LRP1B: variants seen among roughly 807,000 people sequenced by gnomAD.
LRP1B encodes the protein low-density lipoprotein receptor-related protein 1B.
LRP1B carries 217 observed loss-of-function variants against 556.6 expected under a neutral mutation model. That is an observed-to-expected ratio of 0.39 (90% CI 0.35 to 0.44). The LOEUF (loss-of-function observed/expected upper bound fraction) is 0.44, where lower values mean the gene tolerates loss of function less well. Among genes scored for constraint, LRP1B ranks in the 20% least tolerant of loss-of-function variants. The pLI, the probability that LRP1B is intolerant of heterozygous loss-of-function variation, is 1.00. For synonymous variants in LRP1B, 2,047 were observed against 1,865.8 expected, an observed-to-expected ratio of 1.10 and a Z score of -2.50; for missense variants, 5,053 against 5,620.8, an observed-to-expected ratio of 0.90 and a Z score of 3.23.
At chr2:140,544,416 A>T (rs1159269967) in intron 43 of LRP1B, among the ~76,000 whole-genome samples, 1 of 152,012 alleles carries the variant, frequency 6.6e-6, no homozygotes, top group Non-Finnish European at 1.5e-5. Flanking sequence ...TTCATCCCTC[A>T]GGGATTTAGT....
intron 3 of LRP1B, among the ~76,000 whole-genome samples, chr2:141,274,296 C>T (rs1411869551): frequency 6.6e-6 from 1 of 151,962 alleles, no homozygotes; most frequent in Non-Finnish European, 1.5e-5. Context: ...AAACTGGAAA[C>T]AATTCAAGAA....
chr2:141,835,074 C>G (rs930640595), intron 1 of LRP1B, among the ~76,000 whole-genome samples: 1 of 151,918 alleles, frequency 6.6e-6, no homozygotes, highest in African/African-American at 2.4e-5. Flanking sequence ...TTTCTTTAAT[C>G]AGTTCATAAA....
intron 2 of LRP1B, among the ~76,000 whole-genome samples, chr2:141,733,246 C>T (rs186631167): frequency 6.4e-4 from 98 of 152,186 alleles, no homozygotes; most frequent in African/African-American, 2.2e-3. Context: ...GGTCATGATA[C>T]CACAAGGTTC....
At chr2:141,795,997 G>A (rs1037798699) in intron 2 of LRP1B, among the ~76,000 whole-genome samples, 1 of 149,264 alleles carries the variant, frequency 6.7e-6, no homozygotes, top group African/African-American at 2.5e-5. Context: ...TTATTCATGG[G>A]TTAAATCTTA....
chr2:140,264,223 G>GT (rs990707221), intron 86 of LRP1B, among the ~76,000 whole-genome samples: 5 of 150,702 alleles, frequency 3.3e-5, no homozygotes, highest in Non-Finnish European at 7.4e-5. Context: ...TTTTTGTTTT[G>GT]TTTTTTTGGT....
At chr2:141,968,121 G>T (rs1432863708) in intron 1 of LRP1B, among the ~76,000 whole-genome samples, 1 of 151,774 alleles carries the variant, frequency 6.6e-6, no homozygotes, top group East Asian at 1.9e-4. Context: ...TTGGCAGCAG[G>T]TCACATAATC....
Position 141,013,586 on chromosome 2 carries a change from GC to G in LRP1B, c.2349del (p.Leu784PhefsTer17). 1 of 1,609,284 alleles carries G rather than the reference GC, an allele frequency of 6.2e-7. No homozygotes were observed. The highest frequency in any genetic ancestry group is 8.5e-7 in the Non-Finnish European group (1 of 1,178,098). On this transcript the variant is annotated frameshift_variant, in exon 14 of 91. Coordinates refer to ENST00000389484, the MANE Select transcript of LRP1B (RefSeq NM_018557.3). LOFTEE classifies it high-confidence loss of function. ...LLRHERPPLF[G>X]LQIYDPRKQQ... is the part of the protein sequence containing the mutation. ...TGCTTTCGTGGATCATAAATCTGAAGCCCAAATAGGGGTGGTCTTTCATGCC... is the reference window on the plus strand; with the variant it reads ...TGCTTTCGTGGATCATAAATCTGAAGCCAAATAGGGGTGGTCTTTCATGCC...
intron 43 of LRP1B, among the ~76,000 whole-genome samples, chr2:140,581,081 G>C (rs562267978): frequency 6.6e-6 from 1 of 152,296 alleles, no homozygotes; most frequent in East Asian, 1.9e-4. Flanking sequence ...CCAGGAGCAT[G>C]AGTTACAGAC....
At chr2:141,084,936 A>G (rs1041399656) in intron 7 of LRP1B, among the ~76,000 whole-genome samples, 13 of 152,170 alleles carry the variant, frequency 8.5e-5, no homozygotes, top group Non-Finnish European at 1.6e-4. Flanking sequence ...GGCGTGAGCC[A>G]CCGCGCCCGG....
At chr2:140,805,738 T>C (rs1422355857) in intron 32 of LRP1B, among the ~76,000 whole-genome samples, 1 of 152,184 alleles carries the variant, frequency 6.6e-6, no homozygotes, top group African/African-American at 2.4e-5. Context: ...ATAAAAATCA[T>C]GCAAGGTTAA....
intron 32 of LRP1B, among the ~76,000 whole-genome samples, chr2:140,806,800 T>A (rs1690733289): frequency 6.6e-6 from 1 of 152,202 alleles, no homozygotes; most frequent in South Asian, 2.1e-4. Context: ...AAAATACAGA[T>A]AAGCTATCAT....
intron 2 of LRP1B, among the ~76,000 whole-genome samples, chr2:141,602,250 T>C (rs1687773387): frequency 1.3e-5 from 2 of 152,152 alleles, no homozygotes; most frequent in African/African-American, 4.8e-5. Flanking sequence ...GTAGGGTAAA[T>C]CTTTACTCTT....
At chr2:142,009,847 A>C (rs1368667688) in intron 1 of LRP1B, among the ~76,000 whole-genome samples, 1 of 152,006 alleles carries the variant, frequency 6.6e-6, no homozygotes, top group African/African-American at 2.4e-5. Context: ...ATATGTATAC[A>C]TGTGAATGTG....
chr2:140,745,624 C>T (rs1688289374), intron 35 of LRP1B, among the ~76,000 whole-genome samples: 1 of 151,996 alleles, frequency 6.6e-6, no homozygotes, highest in African/African-American at 2.4e-5. Context: ...CTTTCTTTCC[C>T]TCCTGTTTTT....
intron 27 of LRP1B, among the ~76,000 whole-genome samples, chr2:140,864,655 G>A (rs1306267900): frequency 1.3e-5 from 2 of 151,896 alleles, no homozygotes; most frequent in African/African-American, 4.8e-5. Context: ...TGTTATTGTT[G>A]CTATTATTTT....
chr2:141,479,700 C>G (rs1048330629), intron 3 of LRP1B, among the ~76,000 whole-genome samples: 5 of 152,104 alleles, frequency 3.3e-5, no homozygotes, highest in African/African-American at 1.2e-4. Context: ...GGGTCCTTAC[C>G]TGGATCCTTG....
intron 2 of LRP1B, among the ~76,000 whole-genome samples, chr2:141,711,940 T>C (rs905987155): frequency 2.8e-5 from 4 of 140,458 alleles, no homozygotes; most frequent in African/African-American, 1.1e-4. Context: ...GTCATAAATA[T>C]GAACACACAC....
chr2:140,769,532 T>C (rs1689232505), intron 34 of LRP1B, among the ~76,000 whole-genome samples, 188 bp from the exon 35 acceptor site: 1 of 152,042 alleles, frequency 6.6e-6, no homozygotes, highest in Non-Finnish European at 1.5e-5. Flanking sequence ...TTTGTAGTTC[T>C]CAAACTTGAT....
At chr2:140,598,906 G>T in intron 42 of LRP1B, 71 bp from the exon 43 acceptor site, 1 of 921,542 alleles carries the variant, frequency 1.1e-6, no homozygotes, top group Non-Finnish European at 1.7e-6. Context: ...TAGAAACATG[G>T]CAATACCAAG....
Sources: allele counts gnomAD v4.1 joint callset (sites outside exome capture counted in the v4.1 genomes callset), GRCh38; gene constraint gnomAD v4.1.1; transcripts MANE v1.5; gene names NCBI Gene and HGNC (gene_info 2026-07-23, HGNC 2026-07-21).